DEF6: variants seen among roughly 807,000 people sequenced by gnomAD.
DEF6 encodes differentially expressed in FDCP 6 homolog.
In DEF6, 32 loss-of-function variants were observed where a neutral mutation model predicts 80.5. That is an observed-to-expected ratio of 0.40 (90% CI 0.30 to 0.53). The LOEUF (loss-of-function observed/expected upper bound fraction) is 0.53. Ranked by LOEUF, DEF6 falls within the 20% of genes least tolerant of loss-of-function variation. The pLI is 0.57. For synonymous variants in DEF6, 300 were observed against 337.9 expected (o/e 0.89, Z 1.23); for missense variants, 575 against 818.7 (o/e 0.70, Z 3.63).
intron 1 of DEF6, among the ~76,000 whole-genome samples, chr6:35,299,722 C>T (rs1791288654): frequency 6.6e-6 from 1 of 152,160 alleles, no homozygotes; most frequent in Non-Finnish European, 1.5e-5. Flanking sequence ...TTATAGAGTT[C>T]CCTCCTACTT....
In DEF6 at chr6:35,321,517, GT is replaced by G; in HGVS notation, c.*108del. The G allele has an allele frequency of 9.3e-7, 1 of 1,079,520 alleles. No homozygotes were observed. The highest frequency in any genetic ancestry group is 1.3e-6 in the Non-Finnish European group (1 of 751,194). 66.9% of individuals were successfully genotyped at this position (1,079,520 alleles called of 1,614,324 possible). A position where few individuals can be genotyped will look rare whatever the true frequency, so the allele number is the denominator to read the frequency against. Reference sequence around the variant, plus strand: ...ACTAGGAGAGGGAGCTGAGGTCCTGGTGCCAGGGGCCCAGGCCCTCCAACCA... The same window carrying G: ...ACTAGGAGAGGGAGCTGAGGTCCTGGGCCAGGGGCCCAGGCCCTCCAACCA... On this transcript the variant is annotated 3_prime_UTR_variant, in exon 11 of 11. Transcript: ENST00000316637.
In DEF6 at chr6:35,319,619, G is replaced by A. The variant is rs1484449504; in HGVS notation, c.1311G>A (p.Arg437=). ...RIKELEEMQQ[R]LQEALQLEVK... ...AGGAGCTGGAGGAGATGCAGCAGCG[G>A]TTGCAGGAGGCCCTGCAACTAGAGG... Residue 437 remains arginine (R), a synonymous_variant, in exon 8 of 11, where the codon CGG becomes CGA. Coordinates refer to ENST00000316637, the MANE Select transcript of DEF6 (RefSeq NM_022047.4). The surrounding 1 kb of genome is among the most constrained non-coding windows in gnomAD (Gnocchi z 4.5). 1 of 1,614,062 alleles carries A rather than the reference G, an allele frequency of 6.2e-7. No homozygotes were observed. The highest frequency in any genetic ancestry group is 1.7e-5 in the Admixed American group (1 of 59,998).
In DEF6 at chr6:35,297,966, G is replaced by A. The variant is rs557319255; in HGVS notation, c.96+14G>A. ...TCCCAGCTCAAGGTGAGGGGCACCC[G>A]GGACCCGGGGGAGGACGGCAGATGC... is the stretch of plus-strand genomic sequence containing the variant. On this transcript the variant is annotated intron_variant, in intron 1 of 10. Transcript: ENST00000316637. 29 of 1,579,554 alleles carry A rather than the reference G, an allele frequency of 1.8e-5. No individual in the cohort carries two copies. In the East Asian group the frequency reaches 5.0e-4, roughly 27 times the overall value.
At chr6:35,315,494 T>A (rs560791403) in intron 5 of DEF6, among the ~76,000 whole-genome samples, 1 of 152,362 alleles carries the variant, frequency 6.6e-6, no homozygotes, top group Admixed American at 6.5e-5. Context: ...AGAATGCCTT[T>A]GCTATTTTGA....
Position 35,312,617 on chromosome 6 carries a change from G to T in DEF6, c.661-9G>T. On this transcript the variant is annotated splice_polypyrimidine_tract_variant and intron_variant, in intron 4 of 10. Transcript: ENST00000316637. The surrounding 1 kb of genome is among the most constrained non-coding windows in gnomAD (Gnocchi z 6.6). The stretch of plus-strand genomic sequence containing the variant: ...CCTGGGAAGCCTCTGACGTAACTCC[G>T]GCTGGCAGGGCTACCTGTGGAAGCG... The T allele has an allele frequency of 6.2e-7, 1 of 1,614,218 alleles. No individual in the cohort carries two copies. Among genetic ancestry groups the T allele is most frequent in the Admixed American group, 1.7e-5 (1 of 60,026 alleles).
chr6:35,310,906 C>T (rs1050123679), intron 3 of DEF6, among the ~76,000 whole-genome samples: 5 of 152,192 alleles, frequency 3.3e-5, no homozygotes, highest in African/African-American at 1.2e-4. Flanking sequence ...AAATGATCTG[C>T]AAATTCTGTT....
At chr6:35,306,273 G>A (rs1791388919) in intron 1 of DEF6, among the ~76,000 whole-genome samples, 1 of 151,202 alleles carries the variant, frequency 6.6e-6, no homozygotes, top group African/African-American at 2.4e-5. Context: ...CACTTTGGGA[G>A]GCCGAGGCGG....
chr6:35,318,423 C>T lies in DEF6; in HGVS notation c.1167C>T (p.His389=), dbSNP rs1233034579. The part of the protein sequence containing the change: ...QEEEERRRSQ[H]RELQQALEGQ... Reference sequence around the variant, plus strand: ...AGGAGGAACGGCGCCGCAGCCAGCACCGCGAGCTGCAGCAGGCGCTCGAGG... The same window carrying T: ...AGGAGGAACGGCGCCGCAGCCAGCATCGCGAGCTGCAGCAGGCGCTCGAGG... The change falls in exon 7 of 11, where the codon CAC becomes CAT. Residue 389 remains histidine (H), a synonymous_variant. Coordinates refer to ENST00000316637, the MANE Select transcript of DEF6 (RefSeq NM_022047.4). The surrounding 1 kb of genome is among the most constrained non-coding windows in gnomAD (Gnocchi z 5.1). 21 of 1,509,174 alleles carry T rather than the reference C, an allele frequency of 1.4e-5. No individual in the cohort carries two copies. The highest frequency in any genetic ancestry group is 1.7e-5 in the Non-Finnish European group (19 of 1,135,556). 93.5% of individuals were successfully genotyped at this position (1,509,174 alleles called of 1,614,324 possible). A position where few individuals can be genotyped will look rare whatever the true frequency, so the allele number is the denominator to read the frequency against.
Position 35,310,148 on chromosome 6 carries a change from A to G in DEF6, c.238-311A>G, listed in dbSNP as rs529992805. Among the ~76,000 whole-genome samples, 116 of 151,648 alleles carry G rather than the reference A, an allele frequency of 7.6e-4. 1 individual carries two copies. The Middle Eastern group carries it at 0.01, about 13-fold the overall frequency. On this transcript the variant is annotated intron_variant, in intron 2 of 10. Transcript: ENST00000316637. ...CTGAACTCCCCCTCCAACTCCTCCA[A>G]TCTGTCACTGTGTTTCCAGGTTCTT... is the stretch of plus-strand genomic sequence containing the variant.
rs1404632227 is a variant in DEF6, at chr6:35,318,391, CAGG to C, written c.1146_1148del (p.Glu383del). On this transcript the variant is annotated inframe_deletion, in exon 7 of 11. Transcript: ENST00000316637. This position sits in a 1 kb window ranked among gnomAD's most constrained non-coding sequence, Gnocchi z 5.1. Reference sequence around the variant, plus strand: ...GCAGCGGCAGGCCGAGCGGCTGCTGCAGGAGGAGGAGGAACGGCGCCGCAGCCA... The same window carrying C: ...GCAGCGGCAGGCCGAGCGGCTGCTGCAGGAGGAGGAACGGCGCCGCAGCCA... 37 of 1,534,372 alleles carry C rather than the reference CAGG, an allele frequency of 2.4e-5. No homozygotes were observed. In the East Asian group the frequency reaches 3.9e-4, roughly 16 times the overall value.
At position 35,312,430 on chromosome 6, in the gene DEF6, C is replaced by A. The variant is rs146706360; in HGVS notation, c.552C>A (p.Phe184Leu). Reference sequence around the variant, plus strand: ...CCGGGGGGCTCAGCGTCTGGCAGTTCCTGGAGCTCTTCAATTCGGGCCGCT... The same window carrying A: ...CCGGGGGGCTCAGCGTCTGGCAGTTACTGGAGCTCTTCAATTCGGGCCGCT... Reference protein sequence around the residue: ...QTTGGLSVWQFLELFNSGRCL... With the variant: ...QTTGGLSVWQLLELFNSGRCL... The change falls in exon 4 of 11, where the codon TTC (phenylalanine) becomes TTA (leucine). Residue 184 changes from phenylalanine to leucine, a missense_variant. Transcript: ENST00000316637. The surrounding 1 kb of genome is among the most constrained non-coding windows in gnomAD (Gnocchi z 6.6). 9.3e-5 allele frequency: 150 copies of A among 1,614,172 alleles called. No homozygotes were observed. In the African/African-American group the frequency reaches 1.5e-3, roughly 16 times the overall value.
rs1791571270 is a variant in DEF6, at chr6:35,320,013, TGGA to T, written c.1580_1581+1del. 1 of 1,559,638 alleles carries T rather than the reference TGGA, an allele frequency of 6.4e-7. No homozygotes were observed. Among genetic ancestry groups the T allele is most frequent in the Non-Finnish European group, 8.7e-7 (1 of 1,151,320 alleles). ...AACCGGCAGAGGGCTGACGAGGATG[TGGA>T]GGTGAGGCCTGGGGTGGGATGGGGT... On this transcript the variant is annotated inframe_deletion and splice_region_variant, in exon 9 of 11. Coordinates refer to ENST00000316637, the MANE Select transcript of DEF6 (RefSeq NM_022047.4).
intron 1 of DEF6, among the ~76,000 whole-genome samples, chr6:35,300,756 G>A (rs1888824): frequency 0.68 from 102,937 of 152,086 alleles, 38,001 homozygotes; most frequent in Non-Finnish European, 0.82. Flanking sequence ...AAGGTTCCCA[G>A]AACCGCCTCT....
rs1043201299 is a variant in DEF6, at chr6:35,312,453, G to A, written c.575G>A (p.Arg192His). 8 of 1,614,020 alleles carry A rather than the reference G, an allele frequency of 5.0e-6. No homozygotes were observed. The highest frequency in any genetic ancestry group is 6.8e-6 in the Non-Finnish European group (8 of 1,180,050). Reference sequence around the variant, plus strand: ...TTCCTGGAGCTCTTCAATTCGGGCCGCTGCCTGCGGGGCGTGGGCCGGGAC... The same window carrying A: ...TTCCTGGAGCTCTTCAATTCGGGCCACTGCCTGCGGGGCGTGGGCCGGGAC... ...WQFLELFNSG[R>H]CLRGVGRDTL... The change falls in exon 4 of 11, where the codon CGC (arginine) becomes CAC (histidine). Residue 192 changes from arginine to histidine, a missense_variant. Physicochemically the swap from Arg to His is conservative, Grantham distance 29. Coordinates refer to ENST00000316637, the MANE Select transcript of DEF6 (RefSeq NM_022047.4). The surrounding 1 kb of genome is among the most constrained non-coding windows in gnomAD (Gnocchi z 6.6).
chr6:35,319,975 G>T lies in DEF6; in HGVS notation c.1539G>T (p.Glu513Asp). 1 of 1,565,786 alleles carries T rather than the reference G, an allele frequency of 6.4e-7. No individual in the cohort carries two copies. Among genetic ancestry groups the T allele is most frequent in the East Asian group, 2.3e-5 (1 of 43,014 alleles). The change falls in exon 9 of 11, where the codon GAG (glutamate) becomes GAT (aspartate). Residue 513 changes from glutamate (E) to aspartate (D), a missense_variant. Transcript: ENST00000316637. This position sits in a 1 kb window ranked among gnomAD's most constrained non-coding sequence, Gnocchi z 4.5. ...TGCAGCAGGCCCAGCAGCAGCTGGA[G>T]GAGGTGCGGCAGAACCGGCAGAGGG... ...RSLQQAQQQL[E>D]EVRQNRQRAD...
chr6:35,314,531 T>C (rs1490741843), intron 5 of DEF6, among the ~76,000 whole-genome samples: 1 of 152,204 alleles, frequency 6.6e-6, no homozygotes, highest in African/African-American at 2.4e-5. Context: ...CATTGAGCAT[T>C]TTTTCATATC....
At position 35,319,849 on chromosome 6, in the gene DEF6, G is replaced by A. The variant is rs752715194; in HGVS notation, c.1413G>A (p.Lys471=). Residue 471 remains lysine (K), a synonymous_variant, in exon 9 of 11, where the codon AAG becomes AAA. Transcript: ENST00000316637. This position sits in a 1 kb window ranked among gnomAD's most constrained non-coding sequence, Gnocchi z 4.5. ...TGGAAGAGGAGGAAGAGAAGCTGAA[G>A]CAGTTGATGCAGCTGAAGGAGGAGC... ...RLLEEEEEKL[K]QLMQLKEEQE... 101 of 1,589,838 alleles carry A rather than the reference G, an allele frequency of 6.4e-5. 1 individual carries two copies. Among genetic ancestry groups the A allele is most frequent in the Middle Eastern group, 3.3e-4 (2 of 6,034 alleles).
intron 1 of DEF6, among the ~76,000 whole-genome samples, chr6:35,303,363 A>G (rs1452692343): frequency 3.3e-5 from 5 of 152,126 alleles, no homozygotes; most frequent in Non-Finnish European, 7.3e-5. Context: ...CTCCCTTTTT[A>G]GAGAGATGAA....
chr6:35,318,341 A>T lies in DEF6; in HGVS notation c.1085A>T (p.Gln362Leu), dbSNP rs1367970012. ...QLQEEKERKL[Q>L]ELELLQEAQR... ...CAGGAGGAGAAGGAGCGGAAGCTGCAGGAGCTGGAGCTGCTGCAGGAGGCG... is the reference window on the plus strand; with the variant it reads ...CAGGAGGAGAAGGAGCGGAAGCTGCTGGAGCTGGAGCTGCTGCAGGAGGCG... The change falls in exon 7 of 11, where the codon CAG (glutamine) becomes CTG (leucine). Residue 362 changes from glutamine (Q) to leucine (L), a missense_variant. Gln to Leu is a moderately radical substitution (Grantham distance 113). Transcript: ENST00000316637. This position sits in a 1 kb window ranked among gnomAD's most constrained non-coding sequence, Gnocchi z 5.1. 1.3e-5 allele frequency: 20 copies of T among 1,544,514 alleles called. No individual in the cohort carries two copies. The highest frequency in any genetic ancestry group is 1.7e-5 in the Non-Finnish European group (20 of 1,146,626).
Sources: gnomAD v4.1 joint callset for allele counts (sites outside exome capture counted in the v4.1 genomes callset) on GRCh38, gnomAD v4.1.1 for gene constraint, Gnocchi (gnomAD v3.1) non-coding constraint, MANE v1.5 for transcripts, NCBI Gene and HGNC (gene_info 2026-07-23, HGNC 2026-07-21) for gene names.